The following ULK4 variants were observed in gnomAD, a reference collection of about 807,000 sequenced individuals.
ULK4 encodes the protein unc-51 like kinase 4.
ULK4 carries 133 observed loss-of-function variants against 160.6 expected under a neutral mutation model. The ratio of observed to expected loss-of-function variants is 0.83; its 90% CI spans 0.72 to 0.96. The LOEUF (loss-of-function observed/expected upper bound fraction) is 0.96, where lower values mean the gene tolerates loss of function less well. Among genes scored for constraint, ULK4 ranks in the 40% least tolerant of loss-of-function variants. The pLI is 0.00. For synonymous variants in ULK4, 534 were observed against 539.8 expected (o/e 0.99, Z 0.15); for missense variants, 1,580 against 1,499.5 (o/e 1.05, Z -0.89).
intron 31 of ULK4, among the ~76,000 whole-genome samples, chr3:41,594,683 A>G (rs770781397): frequency 8.5e-5 from 13 of 152,208 alleles, no homozygotes; most frequent in Non-Finnish European, 1.3e-4. Flanking sequence ...TGGATTTTCA[A>G]TTGGATGTTA....
intron 20 of ULK4, among the ~76,000 whole-genome samples, chr3:41,792,576 C>A (rs751296401): frequency 3.7e-4 from 57 of 152,206 alleles, no homozygotes; most frequent in Non-Finnish European, 7.8e-4. Context: ...TTATAAAATC[C>A]CTATCCAGTT....
At chr3:41,841,490 G>A (rs146695325) in intron 17 of ULK4, among the ~76,000 whole-genome samples, 10,650 of 147,836 alleles carry the variant, frequency 0.072, 1,224 homozygotes, top group African/African-American at 0.24. Context: ...GTCTCTGCCC[G>A]GCTGCCCCAC....
intron 30 of ULK4, among the ~76,000 whole-genome samples, chr3:41,629,232 C>T (rs2033652587): frequency 6.6e-6 from 1 of 152,140 alleles, no homozygotes; most frequent in Non-Finnish European, 1.5e-5. Flanking sequence ...TGGGAAGACA[C>T]AAAAGCTGTG....
chr3:41,543,181 G>C (rs570011108), intron 32 of ULK4, among the ~76,000 whole-genome samples: 1 of 151,984 alleles, frequency 6.6e-6, no homozygotes, highest in African/African-American at 2.4e-5. Context: ...CTTTTTAAAT[G>C]AAAGTGTCTA....
At chr3:41,459,096 G>A (rs773638580) in intron 33 of ULK4, among the ~76,000 whole-genome samples, 1 of 152,078 alleles carries the variant, frequency 6.6e-6, no homozygotes, top group African/African-American at 2.4e-5. Context: ...CTGTCACCCA[G>A]GCTGGAGTGC....
Position 41,886,380 on chromosome 3 carries a change from A to C in ULK4, c.1578-2428T>G, listed in dbSNP as rs555754429. The stretch of plus-strand genomic sequence containing the variant: ...TAACACCTGAACAGTTTGTTGAATA[A>C]ATATATCAACATCAAAAGCAAAATA... On this transcript the variant is annotated intron_variant, in intron 16 of 36. Coordinates refer to ENST00000301831, the MANE Select transcript of ULK4 (RefSeq NM_017886.4). 4.6e-5 allele frequency among the ~76,000 whole-genome samples: 7 copies of C among 152,280 alleles called. No individual in the cohort carries two copies. In the East Asian group the frequency reaches 1.2e-3, roughly 25 times the overall value.
At chr3:41,871,660 TC>T (rs1221932409) in intron 17 of ULK4, among the ~76,000 whole-genome samples, 1 of 152,246 alleles carries the variant, frequency 6.6e-6, no homozygotes, top group Non-Finnish European at 1.5e-5. Context: ...AAAACGTTTC[TC>T]ATGTCTTTTG....
At chr3:41,559,233 T>C (rs1399746115) in intron 32 of ULK4, among the ~76,000 whole-genome samples, 3 of 136,092 alleles carry the variant, frequency 2.2e-5, no homozygotes, top group Non-Finnish European at 5.0e-5. Context: ...TGCATAGTAT[T>C]CCATGGTGTA....
At chr3:41,801,329 GA>G (rs1559562297) in intron 19 of ULK4, among the ~76,000 whole-genome samples, 1 of 151,720 alleles carries the variant, frequency 6.6e-6, no homozygotes, top group African/African-American at 2.4e-5. Context: ...ACTTGAAAAA[GA>G]AAAAAGAAAC....
chr3:41,386,389 C>T (rs1234427463), intron 35 of ULK4, among the ~76,000 whole-genome samples: 1 of 152,030 alleles, frequency 6.6e-6, no homozygotes, highest in Non-Finnish European at 1.5e-5. Flanking sequence ...ATGGGTTTTT[C>T]TCTACTTCTA....
chr3:41,461,987 T>C (rs1441858162), intron 33 of ULK4, among the ~76,000 whole-genome samples: 1 of 152,206 alleles, frequency 6.6e-6, no homozygotes, highest in Non-Finnish European at 1.5e-5. Context: ...TTACTGTTAA[T>C]TTGGAATTAT....
chr3:41,912,706 A>G, intron 9 of ULK4, 101 bp downstream of exon 9: 1 of 1,033,120 alleles, frequency 9.7e-7, no homozygotes, highest in South Asian at 1.7e-5. Flanking sequence ...TCCTACTACG[A>G]AAGCAGAGAA....
intron 12 of ULK4, among the ~76,000 whole-genome samples, chr3:41,901,479 C>CTT (rs566805860): frequency 0.02 from 461 of 22,538 alleles, 89 homozygotes; most frequent in Middle Eastern, 0.071. Context: ...CACGCCCAGC[C>CTT]TTTTTTTTTT....
Position 41,580,376 on chromosome 3 carries a change from A to ATT in ULK4, c.3121-14248_3121-14247dup, listed in dbSNP as rs554626822. On this transcript the variant is annotated intron_variant, in intron 31 of 36. Coordinates refer to ENST00000301831, the MANE Select transcript of ULK4 (RefSeq NM_017886.4). ...AAATAACAAGTTAAACCAATTATTT[A>ATT]TTTTTTTTTTTTTAAAAAAACCTGT... is the stretch of plus-strand genomic sequence containing the variant. Among the ~76,000 whole-genome samples, 226 of 147,550 alleles carry ATT rather than the reference A, an allele frequency of 1.5e-3. 1 individual carries two copies. Among genetic ancestry groups the ATT allele is most frequent in the African/African-American group, 5.2e-3 (209 of 40,450 alleles).
intron 1 of ULK4, among the ~76,000 whole-genome samples, chr3:41,961,262 C>T (rs1700656167): frequency 6.6e-6 from 1 of 152,186 alleles, no homozygotes; most frequent in Non-Finnish European, 1.5e-5. Context: ...ACAATCATGA[C>T]TCCCGCACCA....
At chr3:41,668,579 C>T (rs1198614812) in intron 29 of ULK4, among the ~76,000 whole-genome samples, 2 of 152,106 alleles carry the variant, frequency 1.3e-5, no homozygotes, top group South Asian at 2.1e-4. Context: ...AAGGTAAACT[C>T]TATGATGTTT....
intron 35 of ULK4, among the ~76,000 whole-genome samples, chr3:41,258,973 TATATATATACAGATATACATATATAC>T (rs1352241751): frequency 1.3e-5 from 2 of 149,876 alleles, no homozygotes; most frequent in African/African-American, 4.9e-5. Flanking sequence ...CATATATGTG[TATATATATACAGATATACATATATAC>T]ATATGTATAC....
Position 41,900,192 on chromosome 3 carries a change from T to C in ULK4, c.1287+533A>G, listed in dbSNP as rs186236118. Among the ~76,000 whole-genome samples, 354 of 151,446 alleles carry C rather than the reference T, an allele frequency of 2.3e-3. 2 individuals are homozygous for C. The highest frequency in any genetic ancestry group is 8.0e-3 in the African/African-American group (325 of 40,764). ...AAACTCACACTGGTTTAGAAGTACA[T>C]TGTGAACTACAACTTCGCAAGCTCC... On this transcript the variant is annotated intron_variant, in intron 13 of 36. Coordinates refer to ENST00000301831, the MANE Select transcript of ULK4 (RefSeq NM_017886.4).
chr3:41,918,114 A>G (rs967988764), intron 7 of ULK4, among the ~76,000 whole-genome samples: 1 of 152,236 alleles, frequency 6.6e-6, no homozygotes, highest in Non-Finnish European at 1.5e-5. Context: ...AGGAGATAGA[A>G]ATAACCACAT....
Sources: allele counts gnomAD v4.1 joint callset (sites outside exome capture counted in the v4.1 genomes callset), GRCh38; gene constraint gnomAD v4.1.1; transcripts MANE v1.5; gene names NCBI Gene and HGNC (gene_info 2026-07-23, HGNC 2026-07-21).